Variants in DIAPH2 observed in about 807,000 individuals in gnomAD.
DIAPH2 encodes the protein protein diaphanous homolog 2.
DIAPH2 carries 35 observed loss-of-function variants against 92.7 expected under a neutral mutation model. The observed-to-expected ratio is 0.38, with a 90% CI of 0.29 to 0.50. The LOEUF (loss-of-function observed/expected upper bound fraction) is 0.50. DIAPH2 is among the 20% of genes least tolerant of loss of function. DIAPH2 has a pLI of 0.94. For missense variants in DIAPH2, 701 were observed against 819.5 expected, an observed-to-expected ratio of 0.86 and a Z score of 1.77; for synonymous variants, 301 against 280.4, an observed-to-expected ratio of 1.07 and a Z score of -0.73.
intron 23 of DIAPH2, among the ~76,000 whole-genome samples, chrX:97,304,330 G>A (rs1489593196): frequency 8.9e-6 from 1 of 112,139 alleles, no homozygotes; most frequent in Non-Finnish European, 1.9e-5. Context: ...TTCAAAAGGT[G>A]TTTAACAACA....
At chrX:97,193,001 CT>C (rs1344393772) in intron 22 of DIAPH2, among the ~76,000 whole-genome samples, 2 of 99,090 alleles carry the variant, frequency 2.0e-5, no homozygotes, top group African/African-American at 8.7e-5. Flanking sequence ...CTTTCTTTTT[CT>C]TTTTCTTTTC....
At chrX:96,745,067 C>T (rs1161082443) in intron 3 of DIAPH2, among the ~76,000 whole-genome samples, 3 of 105,558 alleles carry the variant, frequency 2.8e-5, no homozygotes, top group Non-Finnish European at 3.9e-5. Flanking sequence ...AGTGCAATGG[C>T]GCGATCTTGG....
intron 1 of DIAPH2, among the ~76,000 whole-genome samples, chrX:96,731,369 G>A (rs1012216564): frequency 8.9e-6 from 1 of 111,805 alleles, no homozygotes; most frequent in African/African-American, 3.3e-5. Context: ...CATCTCTATT[G>A]TAATGGCCAA....
intron 23 of DIAPH2, among the ~76,000 whole-genome samples, chrX:97,305,125 G>A (rs1419788603): frequency 8.9e-6 from 1 of 112,153 alleles, no homozygotes; most frequent in African/African-American, 3.2e-5. Flanking sequence ...GTCCTAAGCT[G>A]AGCTGAGGCA....
At chrX:97,369,894 G>C (rs758434366) in intron 24 of DIAPH2, among the ~76,000 whole-genome samples, 15 of 111,628 alleles carry the variant, frequency 1.3e-4, no homozygotes, top group Non-Finnish European at 2.3e-4. Context: ...CCTCCCATGT[G>C]ACAGTCATTC....
At chrX:97,541,912 A>G (rs768216390) in intron 26 of DIAPH2, among the ~76,000 whole-genome samples, 10 of 113,028 alleles carry the variant, frequency 8.8e-5, no homozygotes, top group African/African-American at 2.9e-4. Context: ...ATAAAAATGT[A>G]TAATTTAAAT....
Position 96,891,350 on chromosome X carries a change from T to C in DIAPH2, c.587+9632T>C, listed in dbSNP as rs112979820. Among the ~76,000 whole-genome samples, 904 of 112,337 alleles carry C rather than the reference T, an allele frequency of 8.0e-3. 8 individuals carry two copies. Among genetic ancestry groups the C allele is most frequent in the African/African-American group, 0.028 (864 of 30,979 alleles). On this transcript the variant is annotated intron_variant, in intron 5 of 26. Transcript: ENST00000324765. Reference sequence around the variant, plus strand: ...CTCTATTTAACACTCTAAAAATCCATGTGCTTTGACCGTAAAGTAAATCCC... The same window carrying C: ...CTCTATTTAACACTCTAAAAATCCACGTGCTTTGACCGTAAAGTAAATCCC...
chrX:97,218,780 G>A (rs143033933), intron 22 of DIAPH2, among the ~76,000 whole-genome samples: 4,986 of 111,463 alleles, frequency 0.045, 305 homozygotes, highest in African/African-American at 0.16. Context: ...GGTTACTTAT[G>A]ATACCTAATG....
chrX:97,594,422 A>C (rs1245887186), intron 26 of DIAPH2, among the ~76,000 whole-genome samples: 1 of 112,750 alleles, frequency 8.9e-6, no homozygotes, highest in East Asian at 2.8e-4. Flanking sequence ...AGGGGGAAAA[A>C]ATGTAAGTCC....
At chrX:96,715,841 C>T (rs998770281) in intron 1 of DIAPH2, among the ~76,000 whole-genome samples, 41 of 110,515 alleles carry the variant, frequency 3.7e-4, no homozygotes, top group African/African-American at 1.3e-3. Flanking sequence ...GAAATATTTT[C>T]ATAGACGTAA....
At chrX:97,131,259 C>T (rs761713495) in intron 21 of DIAPH2, among the ~76,000 whole-genome samples, 1 of 111,466 alleles carries the variant, frequency 9.0e-6, no homozygotes, top group Admixed American at 9.5e-5. Context: ...ATATGGTCAA[C>T]TAATATACAG....
At chrX:97,193,813 T>G (rs1569325841) in intron 22 of DIAPH2, among the ~76,000 whole-genome samples, 1 of 112,466 alleles carries the variant, frequency 8.9e-6, no homozygotes, top group Non-Finnish European at 1.9e-5. Context: ...CTGCTGGAAG[T>G]AGGCAATCAA....
In DIAPH2 at chrX:97,042,346, T is replaced by TTG. The variant is rs766566888; in HGVS notation, c.2051-30592_2051-30591dup. Among the ~76,000 whole-genome samples, 755 of 111,906 alleles carry TTG rather than the reference T, an allele frequency of 6.7e-3. 4 individuals are homozygous for TTG. Among genetic ancestry groups the TTG allele is most frequent in the Non-Finnish European group, 0.011 (575 of 52,870 alleles). On this transcript the variant is annotated intron_variant, in intron 17 of 26. Transcript: ENST00000324765. ...AACTATAATCCTCTTTCTGTGTAGA[T>TTG]TGTGAAGCTAGTACTTTATTTTCTT...
intron 17 of DIAPH2, among the ~76,000 whole-genome samples, chrX:97,060,037 A>G (rs1346218950): frequency 8.9e-6 from 1 of 112,618 alleles, no homozygotes; most frequent in African/African-American, 3.2e-5. Flanking sequence ...TTGAATTTTT[A>G]ATTTGATTTT....
chrX:97,193,959 G>T (rs1396892696), intron 22 of DIAPH2, among the ~76,000 whole-genome samples: 2 of 111,497 alleles, frequency 1.8e-5, no homozygotes, highest in African/African-American at 6.5e-5. Context: ...TTGGTATTCA[G>T]TGTATCTTTT....
intron 19 of DIAPH2, among the ~76,000 whole-genome samples, chrX:97,084,598 G>A (rs1349112504): frequency 1.8e-5 from 2 of 111,198 alleles, no homozygotes; most frequent in Non-Finnish European, 3.8e-5. Flanking sequence ...CTATTTTTGA[G>A]GGGACTATTC....
At chrX:97,010,449 T>A (rs964857626) in intron 17 of DIAPH2, among the ~76,000 whole-genome samples, 4 of 111,661 alleles carry the variant, frequency 3.6e-5, no homozygotes, top group African/African-American at 1.3e-4. Context: ...TATGATAGCT[T>A]ACCTGATTTT....
intron 23 of DIAPH2, among the ~76,000 whole-genome samples, chrX:97,248,482 G>C (rs1216754574): frequency 8.9e-6 from 1 of 111,732 alleles, no homozygotes; most frequent in Non-Finnish European, 1.9e-5. Context: ...GAAAACTTGA[G>C]AAATAGCATT....
chrX:97,275,499 G>A (rs1244755111), intron 23 of DIAPH2, among the ~76,000 whole-genome samples: 1 of 107,453 alleles, frequency 9.3e-6, no homozygotes, highest in Admixed American at 9.7e-5. Context: ...CTGCCGGGCG[G>A]AGGGGCTCCT....
Sources: allele counts gnomAD v4.1 joint callset (sites outside exome capture counted in the v4.1 genomes callset), GRCh38; gene constraint gnomAD v4.1.1; transcripts MANE v1.5; gene names NCBI Gene and HGNC (gene_info 2026-07-23, HGNC 2026-07-21).